Variants in RBFOX1 observed in about 807,000 individuals in gnomAD.
The protein encoded by RBFOX1 is RNA binding fox-1 homolog 1, also known as RNA binding protein fox-1 homolog 1.
In RBFOX1, 8 loss-of-function variants were observed where a neutral mutation model predicts 57.7. That is an observed-to-expected ratio of 0.14 (90% confidence interval 0.08 to 0.25). The LOEUF (loss-of-function observed/expected upper bound fraction) is 0.25, where lower values mean the gene tolerates loss of function less well. Among genes scored for constraint, RBFOX1 ranks in the 10% least tolerant of loss-of-function variants. The pLI, the probability that RBFOX1 is intolerant of heterozygous loss-of-function variation, is 1.00. For missense variants in RBFOX1, 611 were observed against 548.5 expected (o/e 1.11, Z -1.14); for synonymous variants, 326 against 222.4 (o/e 1.47, Z -4.15).
At chr16:7,179,131 C>T (rs751888816) in intron 4 of RBFOX1, among the ~76,000 whole-genome samples, 8 of 151,996 alleles carry the variant, frequency 5.3e-5, no homozygotes, top group Non-Finnish European at 8.8e-5. Flanking sequence ...TCGAGGCATC[C>T]GGAGGGGTTA....
At chr16:6,380,288 C>G (rs1472627706) in intron 2 of RBFOX1, among the ~76,000 whole-genome samples, 1 of 151,442 alleles carries the variant, frequency 6.6e-6, no homozygotes, top group Non-Finnish European at 1.5e-5. Context: ...GACTGATGTT[C>G]TCCTTGGAAA....
At chr16:6,568,277 G>C (rs918185121) in intron 2 of RBFOX1, among the ~76,000 whole-genome samples, 2 of 152,118 alleles carry the variant, frequency 1.3e-5, no homozygotes, top group Admixed American at 1.3e-4. Flanking sequence ...TGGGGCAGCC[G>C]TCAGTGACAG....
At chr16:5,679,309 G>A (rs1421398435) in intron 3 of RBFOX1, among the ~76,000 whole-genome samples, 1 of 151,622 alleles carries the variant, frequency 6.6e-6, no homozygotes, top group Non-Finnish European at 1.5e-5. Context: ...ATCCGAAGTT[G>A]TATGACTGAC....
At chr16:7,533,812 G>T (rs992399482) in intron 5 of RBFOX1, among the ~76,000 whole-genome samples, 24 of 152,110 alleles carry the variant, frequency 1.6e-4, no homozygotes, top group Non-Finnish European at 3.1e-4. Flanking sequence ...AACAAAAGCA[G>T]GATTAGTAAA....
chr16:6,648,004 G>C (rs1006150870), intron 2 of RBFOX1, among the ~76,000 whole-genome samples: 1 of 152,106 alleles, frequency 6.6e-6, no homozygotes, highest in Non-Finnish European at 1.5e-5. Context: ...ACCATGCCCA[G>C]CTAATTTTTG....
chr16:5,560,451 C>T (rs899977643), intron 2 of RBFOX1, among the ~76,000 whole-genome samples: 1 of 152,160 alleles, frequency 6.6e-6, no homozygotes, highest in African/African-American at 2.4e-5. Context: ...GGTGTTATTA[C>T]ACTGCACTGC....
At chr16:5,669,402 A>C (rs1371259516) in intron 3 of RBFOX1, among the ~76,000 whole-genome samples, 1 of 150,070 alleles carries the variant, frequency 6.7e-6, no homozygotes, top group Non-Finnish European at 1.5e-5. Flanking sequence ...GTCCTGCCAA[A>C]GAGAATGAGA....
At chr16:6,111,321 G>C (rs1451707142) in intron 1 of RBFOX1, among the ~76,000 whole-genome samples, 1 of 152,114 alleles carries the variant, frequency 6.6e-6, no homozygotes, top group African/African-American at 2.4e-5. Context: ...GACTCAATCA[G>C]CTATCTTGTT....
At chr16:7,637,195 C>A (rs1251797427) in intron 11 of RBFOX1, among the ~76,000 whole-genome samples, 1 of 151,318 alleles carries the variant, frequency 6.6e-6, no homozygotes, top group East Asian at 1.9e-4. Context: ...AGATCCCCAT[C>A]AGGATAAATC....
Position 6,752,166 on chromosome 16 carries a change from G to C in RBFOX1, c.-16+97516G>C, listed in dbSNP as rs1009627763. On this transcript the variant is annotated intron_variant, in intron 3 of 15. Coordinates refer to ENST00000550418, the MANE Select transcript of RBFOX1 (RefSeq NM_018723.4). ...CCATTAGTTTCAAAGTACAGCCTTA[G>C]TAGTCTGCATATTTCTTGTAGCATG... is the stretch of plus-strand genomic sequence containing the variant. Among the ~76,000 whole-genome samples the C allele has an allele frequency of 2.6e-5, 4 of 152,160 alleles. No individual in the cohort carries two copies. In the East Asian group the frequency reaches 7.7e-4, roughly 29 times the overall value.
At chr16:7,130,192 C>T (rs532297444) in intron 4 of RBFOX1, among the ~76,000 whole-genome samples, 1 of 152,040 alleles carries the variant, frequency 6.6e-6, no homozygotes, top group African/African-American at 2.4e-5. Flanking sequence ...TGCCACCATG[C>T]CCAGCTAATT....
intron 3 of RBFOX1, among the ~76,000 whole-genome samples, chr16:5,755,514 T>G (rs2053361999): frequency 6.6e-6 from 1 of 152,190 alleles, no homozygotes; most frequent in Non-Finnish European, 1.5e-5. Flanking sequence ...AAGCTGTGAC[T>G]TAAAGGGCCT....
At chr16:6,761,606 C>G (rs1165028433) in intron 3 of RBFOX1, among the ~76,000 whole-genome samples, 2 of 144,348 alleles carry the variant, frequency 1.4e-5, no homozygotes, top group African/African-American at 5.2e-5. Flanking sequence ...CTCCCAGATT[C>G]AAGCAGTTCT....
intron 3 of RBFOX1, among the ~76,000 whole-genome samples, chr16:5,758,033 C>T (rs74006256): frequency 6.6e-6 from 1 of 152,118 alleles, no homozygotes. Context: ...CTGGAACTTG[C>T]AGCAACCTGG....
chr16:7,238,628 TTCTC>T (rs1182275589), intron 4 of RBFOX1, among the ~76,000 whole-genome samples: 1 of 152,206 alleles, frequency 6.6e-6, no homozygotes. Flanking sequence ...ATGCATTTCT[TTCTC>T]TCTTTTTTTG....
chr16:6,513,811 G>A (rs1381049402), intron 2 of RBFOX1, among the ~76,000 whole-genome samples: 2 of 152,116 alleles, frequency 1.3e-5, no homozygotes, highest in African/African-American at 2.4e-5. Context: ...GGCCACTGCA[G>A]AGCCAATCAG....
intron 4 of RBFOX1, among the ~76,000 whole-genome samples, chr16:7,196,556 A>G (rs560898043): frequency 6.6e-6 from 1 of 152,156 alleles, no homozygotes; most frequent in Non-Finnish European, 1.5e-5. Context: ...AACCCACTTC[A>G]CCCTGACAAC....
intron 1 of RBFOX1, among the ~76,000 whole-genome samples, chr16:5,399,962 C>T (rs578415): frequency 0.09 from 13,684 of 152,058 alleles, 1,004 homozygotes; most frequent in African/African-American, 0.19. Context: ...ACTTTTTCCT[C>T]GACAATAACT....
intron 4 of RBFOX1, among the ~76,000 whole-genome samples, chr16:7,430,139 C>A (rs2098664603): frequency 6.6e-6 from 1 of 152,182 alleles, no homozygotes; most frequent in African/African-American, 2.4e-5. Flanking sequence ...ATAATCCAAC[C>A]AAATGAGCTT....
Sources: allele counts gnomAD v4.1 joint callset (sites outside exome capture counted in the v4.1 genomes callset), GRCh38; gene constraint gnomAD v4.1.1; transcripts MANE v1.5; gene names NCBI Gene and HGNC (gene_info 2026-07-23, HGNC 2026-07-21).